The following FSTL5 variants were observed in gnomAD, a reference collection of about 807,000 sequenced individuals.
The protein encoded by FSTL5 is follistatin-related protein 5.
In FSTL5, 62 loss-of-function variants were observed where a neutral mutation model predicts 89.1. That is an observed-to-expected ratio of 0.70 (90% confidence interval 0.57 to 0.86). The LOEUF (loss-of-function observed/expected upper bound fraction) is 0.86, where lower values mean the gene tolerates loss of function less well. Among genes scored for constraint, FSTL5 ranks in the 40% least tolerant of loss-of-function variants. The pLI, the probability that FSTL5 is intolerant of heterozygous loss-of-function variation, is 0.00. For missense variants in FSTL5, 1,057 were observed against 1,001.6 expected, an observed-to-expected ratio of 1.06 and a Z score of -0.75; for synonymous variants, 383 against 346.2, an observed-to-expected ratio of 1.11 and a Z score of -1.18.
At chr4:161,947,499 C>T (rs959175236) in intron 3 of FSTL5, among the ~76,000 whole-genome samples, 1 of 151,954 alleles carries the variant, frequency 6.6e-6, no homozygotes, top group Non-Finnish European at 1.5e-5. Context: ...TAAATACGTT[C>T]CTTTTCTCTT....
intron 11 of FSTL5, among the ~76,000 whole-genome samples, chr4:161,507,479 C>G (rs1730521174): frequency 6.6e-6 from 1 of 151,464 alleles, no homozygotes; most frequent in Non-Finnish European, 1.5e-5. Flanking sequence ...AGGCTTGAAC[C>G]TTCTAGATTG....
intron 3 of FSTL5, among the ~76,000 whole-genome samples, chr4:162,030,635 T>C (rs538728356): frequency 6.6e-6 from 1 of 152,294 alleles, no homozygotes. Flanking sequence ...AGGCTGATAC[T>C]GAGGAGCATG....
chr4:161,816,946 G>A (rs1281395554), intron 4 of FSTL5, among the ~76,000 whole-genome samples: 2 of 151,900 alleles, frequency 1.3e-5, no homozygotes, highest in African/African-American at 4.8e-5. Context: ...CCCCTCAGAG[G>A]GCCTTTTAGA....
chr4:161,441,025 A>T (rs1732743816), intron 15 of FSTL5, among the ~76,000 whole-genome samples: 1 of 152,108 alleles, frequency 6.6e-6, no homozygotes, highest in South Asian at 2.1e-4. Context: ...ATTTAGAAAA[A>T]ATCCTCCAGC....
chr4:162,051,330 T>C (rs1738372783), intron 2 of FSTL5, among the ~76,000 whole-genome samples: 1 of 151,524 alleles, frequency 6.6e-6, no homozygotes, highest in South Asian at 2.1e-4. Flanking sequence ...AATTGATTAA[T>C]GGAGAGATAG....
intron 8 of FSTL5, among the ~76,000 whole-genome samples, chr4:161,550,266 G>A (rs1006708348): frequency 6.6e-6 from 1 of 151,826 alleles, no homozygotes; most frequent in African/African-American, 2.4e-5. Flanking sequence ...TCATTCAAAA[G>A]TATTACAATA....
chr4:161,874,741 G>C (rs575152916), intron 4 of FSTL5, among the ~76,000 whole-genome samples: 1 of 151,650 alleles, frequency 6.6e-6, no homozygotes, highest in African/African-American at 2.4e-5. Context: ...TAACTTTTTT[G>C]TAATATTAAT....
intron 10 of FSTL5, among the ~76,000 whole-genome samples, chr4:161,530,928 C>T (rs936692178): frequency 5.9e-5 from 9 of 152,036 alleles, no homozygotes; most frequent in East Asian, 3.9e-4. Context: ...ATGTACAAGA[C>T]GTTTTCAAAT....
intron 6 of FSTL5, among the ~76,000 whole-genome samples, chr4:161,666,120 T>C (rs974820782): frequency 4.6e-5 from 7 of 151,942 alleles, no homozygotes; most frequent in Admixed American, 1.3e-4. Flanking sequence ...AAAACACAAG[T>C]CACCAAGCGG....
At chr4:161,948,115 GA>G (rs1423316988) in intron 3 of FSTL5, among the ~76,000 whole-genome samples, 1 of 147,486 alleles carries the variant, frequency 6.8e-6, no homozygotes, top group Non-Finnish European at 1.5e-5. Flanking sequence ...TGTCTCTACA[GA>G]AAATTTAAAA....
chr4:161,543,415 G>A (rs1178112747), intron 8 of FSTL5, among the ~76,000 whole-genome samples: 4 of 151,642 alleles, frequency 2.6e-5, no homozygotes, highest in East Asian at 3.9e-4. Context: ...GAAAAACAAA[G>A]GTACAGTGTA....
intron 15 of FSTL5, among the ~76,000 whole-genome samples, chr4:161,394,170 A>C (rs1005100735): frequency 2.0e-5 from 3 of 152,216 alleles, no homozygotes; most frequent in African/African-American, 7.2e-5. Context: ...AAATTGTTTT[A>C]ACTTTTGTTT....
chr4:161,745,328 G>C (rs772729788), intron 6 of FSTL5, among the ~76,000 whole-genome samples: 13 of 151,932 alleles, frequency 8.6e-5, no homozygotes, highest in Non-Finnish European at 1.6e-4. Flanking sequence ...TCTTTTACTG[G>C]CATTGTTTAT....
chr4:162,091,861 T>G (rs1231093644), intron 2 of FSTL5, among the ~76,000 whole-genome samples: 1 of 151,702 alleles, frequency 6.6e-6, no homozygotes, highest in East Asian at 1.9e-4. Context: ...TTAGTTATAT[T>G]TATATAGGGA....
chr4:161,805,567 G>C (rs998828842), intron 4 of FSTL5, among the ~76,000 whole-genome samples: 1 of 152,052 alleles, frequency 6.6e-6, no homozygotes, highest in Admixed American at 6.6e-5. Context: ...ACAATTGGGA[G>C]AATGATAGAA....
chr4:161,819,783 G>T (rs562845334), intron 4 of FSTL5, among the ~76,000 whole-genome samples: 76 of 151,552 alleles, frequency 5.0e-4, no homozygotes, highest in Non-Finnish European at 1.5e-5. Flanking sequence ...ATAAAACTGG[G>T]GTAAAAAATA....
At chr4:161,442,570 T>A (rs192677071) in intron 15 of FSTL5, among the ~76,000 whole-genome samples, 2 of 152,208 alleles carry the variant, frequency 1.3e-5, no homozygotes, top group Admixed American at 1.3e-4. Context: ...TGGTTCAGTG[T>A]AAATTTTTCT....
At chr4:161,760,934 G>C (rs1276787700) in intron 5 of FSTL5, among the ~76,000 whole-genome samples, 3 of 151,896 alleles carry the variant, frequency 2.0e-5, no homozygotes, top group African/African-American at 7.3e-5. Context: ...TCTGAAAATG[G>C]AGCTAAGCAT....
At chr4:161,583,232 A>G (rs1733495978) in intron 8 of FSTL5, among the ~76,000 whole-genome samples, 2 of 152,012 alleles carry the variant, frequency 1.3e-5, no homozygotes, top group Admixed American at 6.6e-5. Context: ...GTTCTTTCTC[A>G]TGTGTCAGGT....
Sources: allele counts gnomAD v4.1 joint callset (sites outside exome capture counted in the v4.1 genomes callset), GRCh38; gene constraint gnomAD v4.1.1; transcripts MANE v1.5; gene names NCBI Gene and HGNC (gene_info 2026-07-23, HGNC 2026-07-21).